CPA6: variants seen among roughly 807,000 people sequenced by gnomAD.
CPA6 encodes the protein carboxypeptidase B.
CPA6 carries 58 observed loss-of-function variants against 63.3 expected under a neutral mutation model. The ratio of observed to expected loss-of-function variants is 0.92; its 90% CI spans 0.74 to 1.14. The LOEUF is 1.14. Among genes scored for constraint, CPA6 ranks in the 50% most tolerant of loss-of-function variants. The probability of loss-of-function intolerance (pLI) is 0.00; values close to 1 mark genes in which losing one functional copy is unlikely to be tolerated. For missense variants in CPA6, 565 were observed against 526.6 expected (o/e 1.07, Z -0.71); for synonymous variants, 185 against 179.0 (o/e 1.03, Z -0.27).
intron 1 of CPA6, among the ~76,000 whole-genome samples, chr8:67,640,625 A>G (rs1815569570): frequency 6.6e-6 from 1 of 151,060 alleles, no homozygotes; most frequent in Non-Finnish European, 1.5e-5. Flanking sequence ...CCTGGCTCCC[A>G]GGAGCGCAGG....
At chr8:67,561,150 C>T (rs1024478779) in intron 2 of CPA6, among the ~76,000 whole-genome samples, 5 of 152,074 alleles carry the variant, frequency 3.3e-5, no homozygotes, top group Non-Finnish European at 7.4e-5. Context: ...CTACAAATTG[C>T]TTATAGAACT....
intron 1 of CPA6, among the ~76,000 whole-genome samples, chr8:67,732,998 G>C (rs1817736925): frequency 6.6e-6 from 1 of 151,574 alleles, no homozygotes; most frequent in Non-Finnish European, 1.5e-5. Flanking sequence ...AGATCGAGAC[G>C]ATCCCGGCTA....
intron 8 of CPA6, among the ~76,000 whole-genome samples, chr8:67,473,668 G>A (rs189957888): frequency 2.4e-3 from 371 of 152,224 alleles, no homozygotes; most frequent in African/African-American, 8.5e-3. Flanking sequence ...ATAGTAGTTT[G>A]ATCTTGGCTG....
At chr8:67,669,278 G>A (rs1403579654) in intron 1 of CPA6, among the ~76,000 whole-genome samples, 1 of 152,198 alleles carries the variant, frequency 6.6e-6, no homozygotes, top group Non-Finnish European at 1.5e-5. Flanking sequence ...TCCCTTACCT[G>A]TATGCTTGTT....
At chr8:67,673,397 T>A (rs991967786) in intron 1 of CPA6, among the ~76,000 whole-genome samples, 1 of 141,916 alleles carries the variant, frequency 7.0e-6, no homozygotes. Flanking sequence ...TATTTTTTTT[T>A]TTTTGAGACT....
intron 6 of CPA6, among the ~76,000 whole-genome samples, chr8:67,505,468 A>G (rs942398682): frequency 5.9e-5 from 9 of 152,188 alleles, no homozygotes; most frequent in African/African-American, 1.7e-4. Flanking sequence ...TCAATAATAT[A>G]CATGACTATA....
intron 1 of CPA6, among the ~76,000 whole-genome samples, chr8:67,693,015 C>T (rs1281559156): frequency 1.3e-5 from 2 of 152,154 alleles, no homozygotes; most frequent in South Asian, 2.1e-4. Context: ...AAAATTCCAA[C>T]GATGACTCAG....
intron 1 of CPA6, among the ~76,000 whole-genome samples, chr8:67,725,286 T>G (rs1453843782): frequency 3.9e-5 from 6 of 152,210 alleles, no homozygotes; most frequent in African/African-American, 1.2e-4. Context: ...TCTGCCTTAG[T>G]GCTAGCCCTT....
Position 67,746,131 on chromosome 8 carries a change from G to A in CPA6, c.-2C>T. The A allele has an allele frequency of 3.1e-6, 5 of 1,607,840 alleles. No individual in the cohort carries two copies. The highest frequency in any genetic ancestry group is 4.3e-6 in the Non-Finnish European group (5 of 1,175,856). On this transcript the variant is annotated 5_prime_UTR_variant, in exon 1 of 11. Transcript: ENST00000297770. ...CCTGCGCTTCCCGAGACACTTCATA[G>A]TGTTAAGAAGAGAGGAGTTGAAAGT...
chr8:67,642,793 T>TCTCACACACACA (rs369938715), intron 1 of CPA6, among the ~76,000 whole-genome samples: 3 of 145,178 alleles, frequency 2.1e-5, no homozygotes, highest in Admixed American at 6.9e-5. Flanking sequence ...GGCCTTTATC[T>TCTCACACACACA]CACACACACA....
At chr8:67,563,686 T>C (rs1813268869) in intron 2 of CPA6, among the ~76,000 whole-genome samples, 1 of 152,160 alleles carries the variant, frequency 6.6e-6, no homozygotes, top group South Asian at 2.1e-4. Flanking sequence ...TGAGATTGTA[T>C]AGCCTTAAAA....
In CPA6 at chr8:67,561,099, C is replaced by T. The variant is rs146813566; in HGVS notation, c.193-43052G>A. On this transcript the variant is annotated intron_variant, in intron 2 of 10. Transcript: ENST00000297770. ...GTCCAATTAATCATTCTGTTACAAC[C>T]GCTGTCAGTGTCTCTACCATACCCC... Among the ~76,000 whole-genome samples the T allele has an allele frequency of 1.6e-4, 24 of 152,196 alleles. No individual in the cohort carries two copies. In the South Asian group the frequency reaches 1.9e-3, roughly 12 times the overall value.
chr8:67,694,513 C>A (rs1462254394), intron 1 of CPA6, among the ~76,000 whole-genome samples: 1 of 152,162 alleles, frequency 6.6e-6, no homozygotes, highest in African/African-American at 2.4e-5. Context: ...CCTCCATCAT[C>A]AAATGGAAGT....
At chr8:67,708,444 C>A (rs1306763638) in intron 1 of CPA6, among the ~76,000 whole-genome samples, 1 of 152,132 alleles carries the variant, frequency 6.6e-6, no homozygotes, top group Non-Finnish European at 1.5e-5. Context: ...TTTATAATGA[C>A]CCTACTTATT....
intron 6 of CPA6, among the ~76,000 whole-genome samples, chr8:67,496,557 A>T (rs1254935783): frequency 1.0e-4 from 10 of 98,974 alleles, no homozygotes; most frequent in South Asian, 3.1e-4. Flanking sequence ...ATATATATAT[A>T]TTTATTTTAT....
chr8:67,494,910 C>A (rs1374701273), intron 6 of CPA6, among the ~76,000 whole-genome samples: 1 of 152,156 alleles, frequency 6.6e-6, no homozygotes, highest in African/African-American at 2.4e-5. Flanking sequence ...GCCTGTGAAT[C>A]AGGTATTCAT....
intron 5 of CPA6, among the ~76,000 whole-genome samples, chr8:67,507,942 A>G (rs1490751161): frequency 1.3e-5 from 2 of 151,760 alleles, no homozygotes; most frequent in East Asian, 3.9e-4. Context: ...CTCAAAGTGG[A>G]TTCCCTGGAT....
At chr8:67,566,603 C>G (rs1214723937) in intron 2 of CPA6, among the ~76,000 whole-genome samples, 1 of 152,140 alleles carries the variant, frequency 6.6e-6, no homozygotes, top group African/African-American at 2.4e-5. Context: ...ACTTCCATTC[C>G]CTATTAGTCT....
At chr8:67,680,122 C>T (rs770695171) in intron 1 of CPA6, among the ~76,000 whole-genome samples, 5 of 152,110 alleles carry the variant, frequency 3.3e-5, no homozygotes, top group Admixed American at 1.3e-4. Flanking sequence ...GAGGTGAGAA[C>T]GCCATTGGTT....
Sources: gnomAD v4.1 joint callset for allele counts (sites outside exome capture counted in the v4.1 genomes callset) on GRCh38, gnomAD v4.1.1 for gene constraint, MANE v1.5 for transcripts, NCBI Gene and HGNC (gene_info 2026-07-23, HGNC 2026-07-21) for gene names.